The following GABRA2 variants were observed in gnomAD, a reference collection of about 807,000 sequenced individuals.
The protein encoded by GABRA2 is gamma-aminobutyric acid type A receptor subunit alpha2.
Under a neutral mutation model 48.7 loss-of-function variants are expected in GABRA2, and 16 were observed. The observed-to-expected ratio is 0.33, with a 90% CI of 0.22 to 0.50. The LOEUF is 0.50. GABRA2 is among the 20% of genes least tolerant of loss of function. The pLI is 0.98. For synonymous variants in GABRA2, 185 were observed against 184.5 expected, an observed-to-expected ratio of 1.00 and a Z score of -0.02; for missense variants, 275 against 535.6, an observed-to-expected ratio of 0.51 and a Z score of 4.80.
chr4:46,351,037 G>T (rs921080391), intron 3 of GABRA2, among the ~76,000 whole-genome samples: 29 of 151,580 alleles, frequency 1.9e-4, no homozygotes, highest in African/African-American at 5.8e-4. Flanking sequence ...ATGTCTTTTT[G>T]TTAATTTTTC....
chr4:46,258,642 A>C (rs905338584), intron 9 of GABRA2, among the ~76,000 whole-genome samples: 1 of 151,806 alleles, frequency 6.6e-6, no homozygotes, highest in African/African-American at 2.4e-5. Flanking sequence ...AGAATCAAAA[A>C]ACAGAAAATG....
intron 8 of GABRA2, among the ~76,000 whole-genome samples, chr4:46,293,861 C>T (rs1407877621): frequency 6.6e-6 from 1 of 152,166 alleles, no homozygotes; most frequent in East Asian, 1.9e-4. Flanking sequence ...CCTATTTGGC[C>T]TGTGCAGAAG....
At chr4:46,319,524 G>A (rs1206795180) in intron 4 of GABRA2, among the ~76,000 whole-genome samples, 3 of 151,632 alleles carry the variant, frequency 2.0e-5, no homozygotes, top group Admixed American at 6.6e-5. Flanking sequence ...GTACTCAAAC[G>A]GGGCTAGATA....
intron 4 of GABRA2, among the ~76,000 whole-genome samples, chr4:46,321,406 A>C (rs762128667): frequency 6.6e-6 from 1 of 152,050 alleles, no homozygotes; most frequent in Non-Finnish European, 1.5e-5. Flanking sequence ...TGGATATGTT[A>C]ATTTTACTTG....
chr4:46,344,792 T>C (rs1374549984), intron 3 of GABRA2, among the ~76,000 whole-genome samples: 2 of 151,936 alleles, frequency 1.3e-5, no homozygotes, highest in African/African-American at 4.8e-5. Context: ...TTTTTAAATC[T>C]AGTGGTAAGA....
chr4:46,347,133 A>G lies in GABRA2; in HGVS notation c.188-14451T>C, dbSNP rs545615491. Among the ~76,000 whole-genome samples, 4 of 152,088 alleles carry G rather than the reference A, an allele frequency of 2.6e-5. No homozygotes were observed. The East Asian group carries it at 7.8e-4, about 29-fold the overall frequency. Reference sequence around the variant, plus strand: ...AAAAGATACCTTATGTTCATGAGTTAGAAGATTTAATATTGTCAAAATATC... The same window carrying G: ...AAAAGATACCTTATGTTCATGAGTTGGAAGATTTAATATTGTCAAAATATC... On this transcript the variant is annotated intron_variant, in intron 3 of 9. Coordinates refer to ENST00000381620, the MANE Select transcript of GABRA2 (RefSeq NM_000807.4).
At chr4:46,369,211 T>A (rs1157456430) in intron 3 of GABRA2, among the ~76,000 whole-genome samples, 2 of 152,086 alleles carry the variant, frequency 1.3e-5, no homozygotes, top group Non-Finnish European at 2.9e-5. Flanking sequence ...TGGCTAAATC[T>A]AGAGGGCACA....
intron 8 of GABRA2, among the ~76,000 whole-genome samples, chr4:46,280,526 T>C (rs1320633510): frequency 6.6e-6 from 1 of 152,168 alleles, no homozygotes; most frequent in African/African-American, 2.4e-5. Context: ...ACTTTGAGTA[T>C]ATTGGAGAGC....
chr4:46,378,186 T>G (rs1331179715), intron 3 of GABRA2, among the ~76,000 whole-genome samples: 18 of 151,676 alleles, frequency 1.2e-4, no homozygotes, highest in Middle Eastern at 6.8e-3. Context: ...GAACGGGCCA[T>G]GATGACAATG....
intron 3 of GABRA2, among the ~76,000 whole-genome samples, chr4:46,349,122 A>G (rs1232089955): frequency 6.6e-6 from 1 of 152,070 alleles, no homozygotes; most frequent in Admixed American, 6.6e-5. Flanking sequence ...TTTTTGAGAC[A>G]TAATGCTGTT....
chr4:46,336,246 T>C (rs1732217678), intron 3 of GABRA2, among the ~76,000 whole-genome samples: 1 of 152,170 alleles, frequency 6.6e-6, no homozygotes, highest in African/African-American at 2.4e-5. Context: ...TGGTCATGCA[T>C]AGCTGTTACT....
intron 3 of GABRA2, among the ~76,000 whole-genome samples, chr4:46,375,448 C>A (rs1715547586): frequency 6.6e-6 from 1 of 151,762 alleles, no homozygotes; most frequent in Admixed American, 6.6e-5. Flanking sequence ...ACCTGTAGCT[C>A]AAAACAAATA....
intron 8 of GABRA2, among the ~76,000 whole-genome samples, chr4:46,288,966 A>T (rs147061404): frequency 1.2e-4 from 18 of 152,320 alleles, no homozygotes; most frequent in African/African-American, 4.3e-4. Flanking sequence ...ACTTAACATC[A>T]TTGATGATTA....
At chr4:46,387,799 T>C (rs1481218431) in intron 2 of GABRA2, among the ~76,000 whole-genome samples, 1 of 152,084 alleles carries the variant, frequency 6.6e-6, no homozygotes, top group Admixed American at 6.5e-5. Context: ...GAAATAAAGG[T>C]ATAATAAAGA....
chr4:46,338,972 G>T (rs1346219947), intron 3 of GABRA2, among the ~76,000 whole-genome samples: 7 of 151,826 alleles, frequency 4.6e-5, no homozygotes, highest in African/African-American at 7.2e-5. Context: ...CATCTCTAAG[G>T]CTAATCAGGT....
At chr4:46,384,640 T>C (rs757480502) in intron 3 of GABRA2, among the ~76,000 whole-genome samples, 1 of 152,158 alleles carries the variant, frequency 6.6e-6, no homozygotes, top group Non-Finnish European at 1.5e-5. Flanking sequence ...CTATGCCTTA[T>C]GAAAAACATC....
intron 6 of GABRA2, 113 bp from the exon 7 acceptor site, chr4:46,305,824 T>A: frequency 1.4e-6 from 1 of 728,534 alleles, no homozygotes; most frequent in South Asian, 2.2e-5. Flanking sequence ...ATATTAATAG[T>A]TAAACATCAC....
rs1320860505 is a variant in GABRA2 at position 46,250,523 on chromosome 4, C to A, written c.1141G>T (p.Asp381Tyr). 1.2e-6 allele frequency: 2 copies of A among 1,611,690 alleles called. No individual in the cohort carries two copies. Among genetic ancestry groups the A allele is most frequent in the South Asian group, 1.1e-5 (1 of 91,034 alleles). ...TTGGAGATGGTGGAGAGAACTGGAT[C>A]TTTTGAAAGATTCGGGGCATAATTG... ...VANYAPNLSKDPVLSTISKSA... is the reference protein window; with the variant it reads ...VANYAPNLSKYPVLSTISKSA... The change falls in exon 10 of 10, where the codon GAT becomes TAT. Residue 381 changes from aspartate (D) to tyrosine (Y), a missense_variant. Coordinates refer to ENST00000381620, the MANE Select transcript of GABRA2 (RefSeq NM_000807.4).
intron 3 of GABRA2, chr4:46,364,216 G>A (rs181622510): frequency 1.3e-5 from 2 of 152,186 alleles, no homozygotes; most frequent in East Asian, 1.9e-4. Context: ...TATGTGCTTC[G>A]ATATTCTTAT....
Sources: allele counts gnomAD v4.1 joint callset (sites outside exome capture counted in the v4.1 genomes callset), GRCh38; gene constraint gnomAD v4.1.1; transcripts MANE v1.5; gene names NCBI Gene and HGNC (gene_info 2026-07-23, HGNC 2026-07-21).